Variants in TVP23A observed in about 807,000 individuals in gnomAD.
TVP23A encodes the protein trans-golgi network vesicle protein 23 homolog A, also known as Golgi apparatus membrane protein TVP23 homolog A.
A neutral mutation model predicts 31.7 loss-of-function variants in TVP23A; 21 were observed. The ratio of observed to expected loss-of-function variants is 0.66; its 90% CI spans 0.47 to 0.95. The LOEUF (loss-of-function observed/expected upper bound fraction) is 0.95, where lower values mean the gene tolerates loss of function less well. Among genes scored for constraint, TVP23A ranks in the 40% least tolerant of loss-of-function variants. TVP23A has a pLI of 0.00. For synonymous variants in TVP23A, 104 were observed against 96.0 expected (o/e 1.08, Z -0.49); for missense variants, 279 against 255.6 (o/e 1.09, Z -0.62).
intron 2 of TVP23A, among the ~76,000 whole-genome samples, chr16:10,812,981 G>C (rs544739103): frequency 9.9e-5 from 15 of 151,996 alleles, no homozygotes; most frequent in African/African-American, 3.6e-4. Flanking sequence ...TTTCCTCTGT[G>C]TGCCCAGCTC....
chr16:10,788,455 T>C (rs916012697), intron 2 of TVP23A, among the ~76,000 whole-genome samples: 5 of 152,086 alleles, frequency 3.3e-5, no homozygotes, highest in African/African-American at 1.2e-4. Flanking sequence ...TTTGTATTTT[T>C]AGTAGAGACA....
At chr16:10,769,430 T>C (rs2031370392) in intron 7 of TVP23A, 3 of 275,808 alleles carry the variant, frequency 1.1e-5, no homozygotes, top group South Asian at 7.7e-5. Context: ...GCTTAGTCGA[T>C]TGTAGAAACT....
rs146066049 is a variant in TVP23A at position 10,774,598 on chromosome 16, T to TTCTCTC, written c.234+348_234+353dup. Among the ~76,000 whole-genome samples, 283 of 140,872 alleles carry TTCTCTC rather than the reference T, an allele frequency of 2.0e-3. 2 individuals are homozygous for TTCTCTC. The highest frequency in any genetic ancestry group is 7.0e-3 in the African/African-American group (257 of 36,558). The allele number at this position is 140,872 out of a possible 152,430, so 92.4% of individuals were successfully genotyped here. A position where few individuals can be genotyped will look rare whatever the true frequency, so the allele number is the denominator to read the frequency against. Reference sequence around the variant, plus strand: ...GGAAACCCCTCTCACTTGGCTCTCATTCTCTCTCTTTTTTTTTTTTTTTTT... The same window carrying TTCTCTC: ...GGAAACCCCTCTCACTTGGCTCTCATTCTCTCTCTCTCTCTTTTTTTTTTTTTTTTT... On this transcript the variant is annotated intron_variant, in intron 3 of 7. Transcript: ENST00000299866.
At chr16:10,806,322 G>A (rs2033943173) in intron 2 of TVP23A, among the ~76,000 whole-genome samples, 1 of 152,096 alleles carries the variant, frequency 6.6e-6, no homozygotes, top group South Asian at 2.1e-4. Context: ...CAGCCTGGGT[G>A]ACAGAGCAAG....
intron 2 of TVP23A, among the ~76,000 whole-genome samples, chr16:10,791,138 C>G (rs2033081200): frequency 6.6e-6 from 1 of 152,070 alleles, no homozygotes; most frequent in Non-Finnish European, 1.5e-5. Context: ...GCTGTGGTTC[C>G]TATCACTCTA....
At chr16:10,770,625 C>T (rs2031523371) in intron 6 of TVP23A, among the ~76,000 whole-genome samples, 1 of 150,996 alleles carries the variant, frequency 6.6e-6, no homozygotes, top group African/African-American at 2.4e-5. Flanking sequence ...GTAATCCTAG[C>T]ACTTTGGGAG....
Position 10,771,466 on chromosome 16 carries a change from T to A in TVP23A, c.582+204A>T, listed in dbSNP as rs371006422. On this transcript the variant is annotated intron_variant, in intron 6 of 7. Transcript: ENST00000299866. Reference sequence around the variant, plus strand: ...GGGAGGATCGCTTGAGCCCAAGAGATGGAGGTTGCAATAGGCCGCGATCAC... The same window carrying A: ...GGGAGGATCGCTTGAGCCCAAGAGAAGGAGGTTGCAATAGGCCGCGATCAC... Among the ~76,000 whole-genome samples the A allele has an allele frequency of 6.6e-5, 10 of 152,190 alleles. No homozygotes were observed. The East Asian group carries it at 9.7e-4, about 15-fold the overall frequency.
At position 10,773,123 on chromosome 16, in the gene TVP23A, G is replaced by A. The variant is rs148420773; in HGVS notation, c.453+190C>T. ...CTCCCAAAGGCCTGGGATTATAGGC[G>A]TAAGCCACCATGCCAAGCCCCTAAT... On this transcript the variant is annotated intron_variant, in intron 5 of 7. Transcript: ENST00000299866. Among the ~76,000 whole-genome samples, 562 of 152,356 alleles carry A rather than the reference G, an allele frequency of 3.7e-3. 2 individuals are homozygous for A. Among genetic ancestry groups the A allele is most frequent in the African/African-American group, 0.013 (530 of 41,578 alleles).
At chr16:10,764,046 G>A (rs2030449148), downstream of TVP23A, among the ~76,000 whole-genome samples, 2 of 152,214 alleles carry the variant, frequency 1.3e-5, no homozygotes, top group East Asian at 1.9e-4. Flanking sequence ...GAGCATCCCA[G>A]CCCAAAGGAG....
chr16:10,818,733 G>T lies in TVP23A; in HGVS notation c.-240C>A. 8.0e-6 allele frequency: 4 copies of T among 499,608 alleles called. No homozygotes were observed. The South Asian group carries it at 1.3e-4, about 16-fold the overall frequency. 30.9% of individuals were successfully genotyped at this position (499,608 alleles called of 1,614,324 possible). A position where few individuals can be genotyped will look rare whatever the true frequency, so the allele number is the denominator to read the frequency against. On this transcript the variant is annotated 5_prime_UTR_variant, in exon 1 of 8. Transcript: ENST00000299866. The surrounding 1 kb of genome is among the most constrained non-coding windows in gnomAD (Gnocchi z 4.7). Reference sequence around the variant, plus strand: ...CGGCTCGCCGGGGACGCGCCCAGGAGAGAAAGCGGCGGCAGGGAGGCAACG... The same window carrying T: ...CGGCTCGCCGGGGACGCGCCCAGGATAGAAAGCGGCGGCAGGGAGGCAACG...
At chr16:10,771,521 C>G in intron 6 of TVP23A, 149 bp downstream of exon 6, 1 of 1,044,588 alleles carries the variant, frequency 9.6e-7, no homozygotes, top group Non-Finnish European at 1.4e-6. Flanking sequence ...GGTGACAGAG[C>G]GAGATCCTGT....
chr16:10,773,464 AT>A, intron 4 of TVP23A, 23 bp from the exon 5 acceptor site: 1 of 1,558,738 alleles, frequency 6.4e-7, no homozygotes, highest in Non-Finnish European at 8.6e-7. Context: ...AGTAATTCAA[AT>A]GTCAAAACAA....
At chr16:10,813,999 CAAAAAAAAAAAAAAAAAA>C (rs201277067) in intron 2 of TVP23A, among the ~76,000 whole-genome samples, 3 of 49,518 alleles carry the variant, frequency 6.1e-5, no homozygotes, top group Admixed American at 5.4e-4. Context: ...AACTCCATCT[CAAAAAAAAAAAAAAAAAA>C]AAAAAAAAAA....
At chr16:10,793,982 G>C (rs1369267249) in intron 2 of TVP23A, among the ~76,000 whole-genome samples, 1 of 146,588 alleles carries the variant, frequency 6.8e-6, no homozygotes, top group African/African-American at 2.5e-5. Context: ...CAAGGTGCCA[G>C]CACACTCGGT....
At chr16:10,785,540 G>A (rs561716324) in intron 2 of TVP23A, among the ~76,000 whole-genome samples, 22 of 152,354 alleles carry the variant, frequency 1.4e-4, no homozygotes, top group Admixed American at 1.2e-3. Context: ...ATTTGGGGGT[G>A]TAAACCCTGA....
intron 2 of TVP23A, among the ~76,000 whole-genome samples, chr16:10,786,277 T>C (rs111728800): frequency 0.024 from 3,597 of 152,222 alleles, 161 homozygotes; most frequent in African/African-American, 0.081. Context: ...ACAATGTCTT[T>C]AAAAGTTGTC....
At chr16:10,757,349 T>C (rs1035557043), downstream of TVP23A, among the ~76,000 whole-genome samples, 4 of 152,266 alleles carry the variant, frequency 2.6e-5, no homozygotes, top group Admixed American at 2.6e-4. This position sits in a 1 kb window ranked among gnomAD's most constrained non-coding sequence, Gnocchi z 4.1. Context: ...AGTGGCTTAT[T>C]TGGGTCAGAG....
At chr16:10,794,978 A>G (rs2033307370) in intron 2 of TVP23A, among the ~76,000 whole-genome samples, 1 of 151,836 alleles carries the variant, frequency 6.6e-6, no homozygotes, top group South Asian at 2.1e-4. Flanking sequence ...TCCAATCTCC[A>G]CTCAGAGGAG....
intron 2 of TVP23A, among the ~76,000 whole-genome samples, chr16:10,798,016 C>T (rs1467231056): frequency 1.4e-5 from 2 of 139,610 alleles, no homozygotes; most frequent in Non-Finnish European, 3.0e-5. Flanking sequence ...AGTGCAGTGG[C>T]GCCATCTCGG....
Sources: gnomAD v4.1 joint callset for allele counts (sites outside exome capture counted in the v4.1 genomes callset) on GRCh38, gnomAD v4.1.1 for gene constraint, Gnocchi (gnomAD v3.1) non-coding constraint, MANE v1.5 for transcripts, NCBI Gene and HGNC (gene_info 2026-07-23, HGNC 2026-07-21) for gene names.